ADAMTSL3: variants seen among roughly 807,000 people sequenced by gnomAD.
ADAMTSL3 encodes ADAMTS like 3.
Under a neutral mutation model 201.7 loss-of-function variants are expected in ADAMTSL3, and 128 were observed. That is an observed-to-expected ratio of 0.63 (90% confidence interval 0.55 to 0.73). ADAMTSL3 has a LOEUF of 0.73. Ranked by LOEUF, ADAMTSL3 falls within the 30% of genes least tolerant of loss-of-function variation. The pLI, the probability that ADAMTSL3 is intolerant of heterozygous loss-of-function variation, is 0.00. For missense variants in ADAMTSL3, 1,990 were observed against 2,119.6 expected, an observed-to-expected ratio of 0.94 and a Z score of 1.20; for synonymous variants, 738 against 748.4, an observed-to-expected ratio of 0.99 and a Z score of 0.23.
chr15:83,699,848 C>T (rs555612302), intron 2 of ADAMTSL3, among the ~76,000 whole-genome samples: 1 of 152,188 alleles, frequency 6.6e-6, no homozygotes, highest in African/African-American at 2.4e-5. Context: ...GAAATCTTAT[C>T]TTCCCATGGA....
chr15:83,841,408 G>C (rs1158859899), intron 7 of ADAMTSL3, among the ~76,000 whole-genome samples: 1 of 152,156 alleles, frequency 6.6e-6, no homozygotes, highest in Non-Finnish European at 1.5e-5. Context: ...GTTAAGTCCT[G>C]GGTCTGTTGC....
At chr15:83,808,589 A>G (rs2063640506) in intron 5 of ADAMTSL3, among the ~76,000 whole-genome samples, 1 of 152,240 alleles carries the variant, frequency 6.6e-6, no homozygotes, top group African/African-American at 2.4e-5. Context: ...AATTTAAAAA[A>G]TAGAACTACA....
chr15:83,877,290 A>G (rs2065194567), intron 9 of ADAMTSL3, among the ~76,000 whole-genome samples: 1 of 152,236 alleles, frequency 6.6e-6, no homozygotes, highest in African/African-American at 2.4e-5. Flanking sequence ...ACCAAAGGCT[A>G]TAATCCATCT....
intron 3 of ADAMTSL3, among the ~76,000 whole-genome samples, chr15:83,713,127 C>A (rs915192624): frequency 6.6e-6 from 1 of 152,134 alleles, no homozygotes; most frequent in Non-Finnish European, 1.5e-5. Flanking sequence ...GGCCCACTAG[C>A]CTAGTGGAAC....
chr15:84,000,717 A>G (rs1000855946), intron 23 of ADAMTSL3, among the ~76,000 whole-genome samples: 2 of 152,356 alleles, frequency 1.3e-5, no homozygotes, highest in East Asian at 3.8e-4. Flanking sequence ...ATGAATTGCA[A>G]CCAGCCCACT....
chr15:83,829,927 G>C (rs1010090323), intron 6 of ADAMTSL3, among the ~76,000 whole-genome samples: 2 of 152,188 alleles, frequency 1.3e-5, no homozygotes, highest in East Asian at 3.8e-4. Flanking sequence ...TACATTTGCT[G>C]AAGAGTGCTT....
rs749708086 is a variant in ADAMTSL3 at position 83,838,165 on chromosome 15, C to T, written c.677C>T (p.Thr226Ile). The change falls in exon 7 of 30, where the codon ACC becomes ATC. Residue 226 changes from threonine to isoleucine, a missense_variant. Transcript: ENST00000286744. ...GGAGTCTGTGCCGGCGATGGCTCCA[C>T]CTGCAGGCTTGTACGGGGACAATCA... ...NCGVCAGDGS[T>I]CRLVRGQSKS... The T allele has an allele frequency of 6.2e-7, 1 of 1,612,944 alleles. No individual in the cohort carries two copies. The highest frequency in any genetic ancestry group is 1.3e-5 in the African/African-American group (1 of 74,858).
intron 28 of ADAMTSL3, among the ~76,000 whole-genome samples, chr15:84,035,269 T>C (rs931324060): frequency 2.0e-5 from 3 of 151,844 alleles, no homozygotes; most frequent in Non-Finnish European, 2.9e-5. Flanking sequence ...GCATGATTTA[T>C]GCAAAAAAGG....
At chr15:83,951,246 C>T (rs773541857) in intron 19 of ADAMTSL3, among the ~76,000 whole-genome samples, 3 of 151,676 alleles carry the variant, frequency 2.0e-5, no homozygotes, top group African/African-American at 4.8e-5. Flanking sequence ...AATTTTATCA[C>T]GTGCTTGTTT....
At chr15:83,684,735 T>G (rs184022767) in intron 2 of ADAMTSL3, among the ~76,000 whole-genome samples, 15 of 149,326 alleles carry the variant, frequency 1.0e-4, no homozygotes, top group Admixed American at 9.9e-4. Context: ...AGTATCTCAC[T>G]GTATGAAGAC....
Position 83,913,343 on chromosome 15 carries a change from C to A in ADAMTSL3, c.1952C>A (p.Ala651Asp). 1 of 1,613,676 alleles carries A rather than the reference C, an allele frequency of 6.2e-7. No homozygotes were observed. The highest frequency in any genetic ancestry group is 2.2e-5 in the East Asian group (1 of 44,858). Reference protein sequence around the residue: ...DSETTYDWEYAGFTPCTATCV... With the variant: ...DSETTYDWEYDGFTPCTATCV... ...GAGACGACTTACGACTGGGAGTACGCTGGGTTCACCCCTTGCACAGCAACA... is the reference window on the plus strand; with the variant it reads ...GAGACGACTTACGACTGGGAGTACGATGGGTTCACCCCTTGCACAGCAACA... Residue 651 changes from alanine (A) to aspartate (D), a missense_variant, in exon 16 of 30, where the codon GCT becomes GAT. Physicochemically the swap from Ala to Asp is moderately radical, Grantham distance 126. Coordinates refer to ENST00000286744, the MANE Select transcript of ADAMTSL3 (RefSeq NM_207517.3).
At position 83,979,989 on chromosome 15, in the gene ADAMTSL3, C is replaced by T. The variant is rs567587648; in HGVS notation, c.2645-2284C>T. On this transcript the variant is annotated intron_variant, in intron 20 of 29. Transcript: ENST00000286744. ...AAATTCTGATGTCCTGGCTGCACCC[C>T]GTAAGTCAGAATTTCTGGGGATGGG... Among the ~76,000 whole-genome samples, 6 of 152,270 alleles carry T rather than the reference C, an allele frequency of 3.9e-5. No homozygotes were observed. The South Asian group carries it at 8.3e-4, about 21-fold the overall frequency.
intron 9 of ADAMTSL3, among the ~76,000 whole-genome samples, chr15:83,877,894 AT>A (rs776639686): frequency 3.3e-5 from 5 of 151,984 alleles, no homozygotes; most frequent in Non-Finnish European, 7.4e-5. Flanking sequence ...GTGTGGAAAT[AT>A]TGATTTTTGT....
chr15:83,714,799 C>A (rs1446457625), intron 3 of ADAMTSL3, among the ~76,000 whole-genome samples: 16 of 132,776 alleles, frequency 1.2e-4, no homozygotes, highest in African/African-American at 4.4e-4. Flanking sequence ...CTTTCTCTCT[C>A]TTTCTTTCTT....
chr15:83,946,929 G>A (rs1209096141), intron 19 of ADAMTSL3, among the ~76,000 whole-genome samples: 1 of 152,282 alleles, frequency 6.6e-6, no homozygotes, highest in African/African-American at 2.4e-5. Flanking sequence ...GGGAGGAAGG[G>A]CAAGCGTATA....
At chr15:83,689,506 T>C (rs2061584236) in intron 2 of ADAMTSL3, among the ~76,000 whole-genome samples, 1 of 152,242 alleles carries the variant, frequency 6.6e-6, no homozygotes, top group Non-Finnish European at 1.5e-5. Context: ...CCTTGCCTTA[T>C]TCTGCTCAGT....
chr15:83,878,390 C>T (rs1236752694), intron 9 of ADAMTSL3, among the ~76,000 whole-genome samples: 1 of 152,022 alleles, frequency 6.6e-6, no homozygotes, highest in Non-Finnish European at 1.5e-5. Context: ...CCAAGGCAGG[C>T]GGATCACGAG....
intron 19 of ADAMTSL3, among the ~76,000 whole-genome samples, chr15:83,968,381 T>A (rs1794232436): frequency 2.0e-5 from 3 of 152,142 alleles, no homozygotes; most frequent in Admixed American, 2.0e-4. Context: ...AACAGATACT[T>A]CTCCAAAGGA....
At chr15:83,834,874 A>C (rs958288973) in intron 6 of ADAMTSL3, among the ~76,000 whole-genome samples, 27 of 152,152 alleles carry the variant, frequency 1.8e-4, no homozygotes, top group African/African-American at 6.5e-4. Context: ...AAATCACTAT[A>C]ATTAGAGATC....
Sources: allele counts gnomAD v4.1 joint callset (sites outside exome capture counted in the v4.1 genomes callset), GRCh38; gene constraint gnomAD v4.1.1; transcripts MANE v1.5; gene names NCBI Gene and HGNC (gene_info 2026-07-23, HGNC 2026-07-21).